The following LYRM4 variants were observed in gnomAD, a reference collection of about 807,000 sequenced individuals.
The protein encoded by LYRM4 is LYR motif-containing protein 4.
LYRM4 carries 9 observed loss-of-function variants against 11.7 expected under a neutral mutation model. The ratio of observed to expected loss-of-function variants is 0.77; its 90% CI spans 0.46 to 1.34. The LOEUF (loss-of-function observed/expected upper bound fraction) is 1.34, where lower values mean the gene tolerates loss of function less well. Among genes scored for constraint, LYRM4 ranks in the 40% most tolerant of loss-of-function variants. LYRM4 has a pLI of 0.00. For missense variants in LYRM4, 133 were observed against 112.5 expected (o/e 1.18, Z -0.82); for synonymous variants, 42 against 40.4 (o/e 1.04, Z -0.15).
At chr6:5,148,230 C>G (rs920457268) in intron 2 of LYRM4, 1 of 153,360 alleles carries the variant, frequency 6.5e-6, no homozygotes, top group Non-Finnish European at 1.5e-5. Flanking sequence ...GCTCCCAGAC[C>G]GTTTGAGGCA....
chr6:5,162,615 G>C (rs1258996869), intron 2 of LYRM4, among the ~76,000 whole-genome samples: 3 of 152,218 alleles, frequency 2.0e-5, no homozygotes, highest in African/African-American at 7.2e-5. Context: ...ATAAGTATCT[G>C]TGAAGCCATC....
the LYRM4 span, chr6:5,086,565 C>T: frequency 1.1e-5 from 16 of 1,506,434 alleles, no homozygotes; most frequent in East Asian, 2.5e-5. Context: ...CGCTCTGAGC[C>T]TGGAGAGTTT....
At chr6:5,134,031 A>G (rs935980163) in intron 2 of LYRM4, among the ~76,000 whole-genome samples, 1 of 152,208 alleles carries the variant, frequency 6.6e-6, no homozygotes, top group Admixed American at 6.5e-5. Context: ...GGTTGTTTCC[A>G]TCTTTTGGCT....
intron 2 of LYRM4, among the ~76,000 whole-genome samples, chr6:5,151,844 G>A (rs1268095630): frequency 2.6e-5 from 4 of 152,128 alleles, no homozygotes; most frequent in Non-Finnish European, 4.4e-5. Context: ...GGGCACAGAG[G>A]GAGGCTTAAC....
At chr6:5,086,211 C>T in the LYRM4 span, 1 of 1,535,192 alleles carries the variant, frequency 6.5e-7, no homozygotes, top group South Asian at 1.2e-5. Context: ...TGCTCAGCTG[C>T]CCTGGGCCCA....
chr6:5,143,023 G>A (rs1224180476), intron 2 of LYRM4, among the ~76,000 whole-genome samples: 1 of 152,224 alleles, frequency 6.6e-6, no homozygotes, highest in South Asian at 2.1e-4. Context: ...GCTGCATTCC[G>A]GATATGCTCT....
chr6:5,098,707 C>T (rs557011192), downstream of LYRM4, among the ~76,000 whole-genome samples: 2 of 152,300 alleles, frequency 1.3e-5, no homozygotes, highest in South Asian at 2.1e-4. Flanking sequence ...CACGTCCACG[C>T]GCCTCATCTT....
At chr6:5,226,148 G>T (rs1762879355) in intron 1 of LYRM4, among the ~76,000 whole-genome samples, 1 of 152,118 alleles carries the variant, frequency 6.6e-6, no homozygotes, top group South Asian at 2.1e-4. Context: ...TTCACTTTTT[G>T]TGTGGTCCGG....
intron 1 of LYRM4, among the ~76,000 whole-genome samples, chr6:5,227,189 C>T (rs553663898): frequency 6.2e-4 from 95 of 152,096 alleles, no homozygotes; most frequent in Non-Finnish European, 1.2e-3. Context: ...TTCAGACTGT[C>T]GATAAACCTG....
chr6:5,201,892 C>G (rs1761413664), intron 2 of LYRM4, among the ~76,000 whole-genome samples: 1 of 152,198 alleles, frequency 6.6e-6, no homozygotes, highest in South Asian at 2.1e-4. Context: ...TGGCATCAAC[C>G]ATTACTGGCT....
chr6:5,085,446 G>T, the LYRM4 span: 1 of 1,435,664 alleles, frequency 7.0e-7, no homozygotes. Context: ...CTCCAGAGGG[G>T]CCCGGTTCGG....
chr6:5,221,661 C>T (rs1258098477), intron 1 of LYRM4, among the ~76,000 whole-genome samples: 1 of 152,236 alleles, frequency 6.6e-6, no homozygotes, highest in East Asian at 1.9e-4. Context: ...CACTGCACTC[C>T]AGCCTGGGCT....
chr6:5,198,650 C>G (rs1175791721), intron 2 of LYRM4, among the ~76,000 whole-genome samples: 1 of 152,130 alleles, frequency 6.6e-6, no homozygotes, highest in African/African-American at 2.4e-5. Flanking sequence ...CCAGTAATAC[C>G]CATCTCTTAC....
chr6:5,224,623 T>C (rs148848826), intron 1 of LYRM4, among the ~76,000 whole-genome samples: 123 of 152,318 alleles, frequency 8.1e-4, no homozygotes, highest in African/African-American at 2.7e-3. Flanking sequence ...TTTTCAATAA[T>C]AGAGAATTGG....
the LYRM4 span, among the ~76,000 whole-genome samples, chr6:5,059,737 C>G: frequency 6.6e-5 from 10 of 152,148 alleles, no homozygotes; most frequent in African/African-American, 2.2e-4. Flanking sequence ...CCATCTGTAC[C>G]CCATTGCATG....
chr6:5,187,016 G>A, intron 2 of LYRM4: 1 of 955,982 alleles, frequency 1.0e-6, no homozygotes, highest in Non-Finnish European at 1.2e-6. Flanking sequence ...TAAAAGAATA[G>A]TAAATGGGGC....
chr6:5,069,919 G>A, the LYRM4 span, among the ~76,000 whole-genome samples: 1 of 152,226 alleles, frequency 6.6e-6, no homozygotes, highest in Non-Finnish European at 1.5e-5. Context: ...ATGTCACACA[G>A]CCAGCATGCA....
At chr6:5,178,658 C>G (rs932767580) in intron 2 of LYRM4, among the ~76,000 whole-genome samples, 1 of 150,776 alleles carries the variant, frequency 6.6e-6, no homozygotes, top group Non-Finnish European at 1.5e-5. Context: ...TATAAAAACA[C>G]AAAAATTAGC....
intron 2 of LYRM4, among the ~76,000 whole-genome samples, chr6:5,194,203 A>G (rs2127695781): frequency 6.6e-6 from 1 of 152,254 alleles, no homozygotes; most frequent in South Asian, 2.1e-4. Flanking sequence ...ATTAGAAAAG[A>G]TACGTTACCT....
Sources: gnomAD v4.1 joint callset for allele counts (sites outside exome capture counted in the v4.1 genomes callset) on GRCh38, gnomAD v4.1.1 for gene constraint, MANE v1.5 for transcripts, NCBI Gene and HGNC (gene_info 2026-07-23, HGNC 2026-07-21) for gene names.